The following IFITM3 variants were observed in gnomAD, a reference collection of about 807,000 sequenced individuals.
IFITM3 encodes the protein interferon-induced transmembrane protein 3.
Under a neutral mutation model 5.2 loss-of-function variants are expected in IFITM3, and 5 were observed. That is an observed-to-expected ratio of 0.96 (90% CI 0.50 to 2.03). The LOEUF (loss-of-function observed/expected upper bound fraction) is 2.03, where lower values mean the gene tolerates loss of function less well. IFITM3 is among the 30% of genes most tolerant of loss of function. The pLI, the probability that IFITM3 is intolerant of heterozygous loss-of-function variation, is 0.01. For missense variants in IFITM3, 156 were observed against 177.3 expected, an observed-to-expected ratio of 0.88 and a Z score of 0.68; for synonymous variants, 81 against 77.6, an observed-to-expected ratio of 1.04 and a Z score of -0.23.
rs966205855 is a variant in IFITM3 at position 320,760 on chromosome 11, G to T, written c.54C>A (p.Pro18=). The T allele has an allele frequency of 1.2e-6, 2 of 1,613,716 alleles. No homozygotes were observed. Among genetic ancestry groups the T allele is most frequent in the African/African-American group, 1.3e-5 (1 of 74,896 alleles). The change falls in exon 1 of 2, where the codon CCC becomes CCA. Residue 18 remains proline, a synonymous_variant. Transcript: ENST00000399808. ...GCTCCTCCTTGAGCATCTCATAGTT[G>T]GGGGGCTGGCCACTGTTGACAGGAG... ...FFSPVNSGQP[P]NYEMLKEEHE...
rs201988281 is a variant in IFITM3, at chr11:320,539, T to C, written c.249+26A>G. 1.1e-4 allele frequency: 182 copies of C among 1,611,462 alleles called. 1 individual carries two copies. The East Asian group carries it at 3.3e-3, about 29-fold the overall frequency. ...GAGCTCCAGGCTCAGCGGCACCCTCTGAGCATTCCCTGGGGCCATACGCAC... is the reference window on the plus strand; with the variant it reads ...GAGCTCCAGGCTCAGCGGCACCCTCCGAGCATTCCCTGGGGCCATACGCAC... On this transcript the variant is annotated intron_variant, in intron 1 of 1. Transcript: ENST00000399808.
intron 1 of IFITM3, 71 bp from the exon 2 acceptor site, chr11:320,061 T>G (rs1388542656): frequency 1.1e-5 from 18 of 1,601,158 alleles, no homozygotes; most frequent in Non-Finnish European, 1.5e-5. Context: ...CTCCGTCTCC[T>G]CATTGGCTCT....
rs762594800 is a variant in IFITM3, at chr11:320,771, C to T, written c.43G>A (p.Gly15Ser). 2 of 1,613,726 alleles carry T rather than the reference C, an allele frequency of 1.2e-6. No homozygotes were observed. Among genetic ancestry groups the T allele is most frequent in the Non-Finnish European group, 1.7e-6 (2 of 1,179,858 alleles). The change falls in exon 1 of 2, where the codon GGC becomes AGC. Residue 15 changes from glycine to serine, a missense_variant. Physicochemically the swap from Gly to Ser is moderately conservative, Grantham distance 56 (BLOSUM62 0). Coordinates refer to ENST00000399808, the MANE Select transcript of IFITM3 (RefSeq NM_021034.3). ...VQTFFSPVNSGQPPNYEMLKE... is the reference protein window; with the variant it reads ...VQTFFSPVNSSQPPNYEMLKE... ...AGCATCTCATAGTTGGGGGGCTGGC[C>T]ACTGTTGACAGGAGAGAAGAAGGTT...
chr11:320,204 C>T (rs953517524), intron 1 of IFITM3: 5 of 722,600 alleles, frequency 6.9e-6, no homozygotes, highest in Non-Finnish European at 1.0e-5. Flanking sequence ...GGTGAAGTCA[C>T]CTGTGAGTTC....
At chr11:320,323 ACT>A in intron 1 of IFITM3, 2 of 758,226 alleles carry the variant, frequency 2.6e-6, no homozygotes, top group Non-Finnish European at 4.6e-6. Flanking sequence ...CCGGGGACAG[ACT>A]CTGAGCCAGC....
chr11:320,097 T>G, intron 1 of IFITM3, 107 bp from the exon 2 acceptor site: 1 of 1,476,552 alleles, frequency 6.8e-7, no homozygotes, highest in East Asian at 2.4e-5. Context: ...AGGGACCACC[T>G]CCTCCCCTTC....
Position 320,347 on chromosome 11 carries a change from C to T in IFITM3, c.249+218G>A, listed in dbSNP as rs1846085967. The T allele has an allele frequency of 6.9e-6, 6 of 864,246 alleles. No individual in the cohort carries two copies. The Admixed American group carries it at 8.0e-5, about 11-fold the overall frequency. 53.5% of individuals were successfully genotyped at this position (864,246 alleles called of 1,614,324 possible). A position where few individuals can be genotyped will look rare whatever the true frequency, so the allele number is the denominator to read the frequency against. ...GACTCTGAGCCAGCCAGCCAGCCTC[C>T]TGGAGCCTCCTCCTAAACCTGCACT... On this transcript the variant is annotated intron_variant, in intron 1 of 1. Coordinates refer to ENST00000399808, the MANE Select transcript of IFITM3 (RefSeq NM_021034.3).
At chr11:320,140 G>A in intron 1 of IFITM3, 150 bp from the exon 2 acceptor site, 1 of 827,948 alleles carries the variant, frequency 1.2e-6, no homozygotes, top group Admixed American at 2.1e-5. Context: ...AGGAGCCTCG[G>A]GGCTCATCCT....
rs528035124 is a variant in IFITM3 at position 319,845 on chromosome 11, T to C, written c.395A>G (p.Tyr132Cys). Residue 132 changes from tyrosine to cysteine, a missense_variant, in exon 2 of 2, where the codon TAT (tyrosine) becomes TGT (cysteine). Physicochemically the swap from Tyr to Cys is radical, Grantham distance 194. Transcript: ENST00000399808. Reference protein sequence around the residue: ...IVIPVLIFQAYG With the variant: ...IVIPVLIFQACG ...TCAGTGATGCCTCCTGATCTATCCA[T>C]AGGCCTGGAAGATCAGCACTGGGAT... 19 of 1,614,156 alleles carry C rather than the reference T, an allele frequency of 1.2e-5. No homozygotes were observed. The East Asian group carries it at 4.2e-4, about 36-fold the overall frequency.
chr11:320,315 G>A (rs944962523), intron 1 of IFITM3: 77 of 737,088 alleles, frequency 1.0e-4, no homozygotes, highest in East Asian at 7.2e-4. Context: ...GTGGATAGCC[G>A]GGGACAGACT....
At position 320,838 on chromosome 11, in the gene IFITM3, G is replaced by T; in HGVS notation, c.-25C>A. 1 of 1,588,622 alleles carries T rather than the reference G, an allele frequency of 6.3e-7. No individual in the cohort carries two copies. Among genetic ancestry groups the T allele is most frequent in the Non-Finnish European group, 8.6e-7 (1 of 1,161,584 alleles). ...TGGTGTCCAGCGAAGACCAGCGGCG[G>T]TCGGGTTACTGGGATGGTTCTCAGT... On this transcript the variant is annotated 5_prime_UTR_variant, in exon 1 of 2. Coordinates refer to ENST00000399808, the MANE Select transcript of IFITM3 (RefSeq NM_021034.3).
Position 320,737 on chromosome 11 carries a change from T to C in IFITM3, c.77A>G (p.Glu26Gly), listed in dbSNP as rs1432128135. 6.2e-7 allele frequency: 1 copy of C among 1,613,772 alleles called. No homozygotes were observed. Among genetic ancestry groups the C allele is most frequent in the Admixed American group, 1.7e-5 (1 of 60,010 alleles). ...CGCCCCCAGCACAGCCACCTCGTGC[T>C]CCTCCTTGAGCATCTCATAGTTGGG... is the stretch of plus-strand genomic sequence containing the variant. ...QPPNYEMLKE[E>G]HEVAVLGAPH... Residue 26 changes from glutamate to glycine, a missense_variant, in exon 1 of 2, where the codon GAG (glutamate) becomes GGG (glycine). Glu to Gly is a moderately conservative substitution (Grantham distance 98, BLOSUM62 -2). Coordinates refer to ENST00000399808, the MANE Select transcript of IFITM3 (RefSeq NM_021034.3).
chr11:319,812 T>G lies in IFITM3; in HGVS notation c.*26A>C. On this transcript the variant is annotated 3_prime_UTR_variant, in exon 2 of 2. Transcript: ENST00000399808. ...GTGGGATACAGGTCATGGGCAGAGC[T>G]CCTGGCCTCAGTGATGCCTCCTGAT... 1 of 1,613,954 alleles carries G rather than the reference T, an allele frequency of 6.2e-7. No homozygotes were observed. The highest frequency in any genetic ancestry group is 8.5e-7 in the Non-Finnish European group (1 of 1,179,900).
chr11:320,524 C>T, intron 1 of IFITM3, 41 bp downstream of exon 1: 1 of 1,606,442 alleles, frequency 6.2e-7, no homozygotes. Flanking sequence ...GAGCTCCAGG[C>T]TCAGCGGCAC....
chr11:320,703 G>C lies in IFITM3; in HGVS notation c.111C>G (p.Asn37Lys). The C allele has an allele frequency of 6.2e-7, 1 of 1,613,354 alleles. No homozygotes were observed. Among genetic ancestry groups the C allele is most frequent in the Non-Finnish European group, 8.5e-7 (1 of 1,179,720 alleles). ...TCACGGTGGACGTCGGGGGAGCAGG[G>C]TTGTGGGGCGCCCCCAGCACAGCCA... ...HEVAVLGAPH[N>K]PAPPTSTVIH... The change falls in exon 1 of 2, where the codon AAC (asparagine) becomes AAG (lysine). Residue 37 changes from asparagine (N) to lysine (K), a missense_variant. By Grantham distance (94) the Asn-to-Lys change is moderately conservative (BLOSUM62 0). Coordinates refer to ENST00000399808, the MANE Select transcript of IFITM3 (RefSeq NM_021034.3).
rs766126337 is a variant in IFITM3, at chr11:320,663, C to T, written c.151G>A (p.Glu51Lys). 2.5e-6 allele frequency: 4 copies of T among 1,613,766 alleles called. No individual in the cohort carries two copies. Among genetic ancestry groups the T allele is most frequent in the Admixed American group, 3.3e-5 (2 of 59,996 alleles). The change falls in exon 1 of 2, where the codon GAG becomes AAG. Residue 51 changes from glutamate (E) to lysine (K), a missense_variant. Transcript: ENST00000399808. ...PTSTVIHIRS[E>K]TSVPDHVVWS... ...ACGACATGGTCGGGCACGGAGGTCT[C>T]GCTGCGGATGTGGATCACGGTGGAC...
rs373971459 is a variant in IFITM3, at chr11:320,846, A to C, written c.-33T>G. The stretch of plus-strand genomic sequence containing the variant: ...AGCGAAGACCAGCGGCGGTCGGGTT[A>C]CTGGGATGGTTCTCAGTGAGCCCTC... On this transcript the variant is annotated 5_prime_UTR_variant, in exon 1 of 2. Transcript: ENST00000399808. 6.3e-7 allele frequency: 1 copy of C among 1,584,404 alleles called. No homozygotes were observed. The highest frequency in any genetic ancestry group is 2.3e-5 in the East Asian group (1 of 44,376).
At chr11:320,536 C>T in intron 1 of IFITM3, 29 bp downstream of exon 1, 1 of 1,611,214 alleles carries the variant, frequency 6.2e-7, no homozygotes, top group Non-Finnish European at 8.5e-7. Flanking sequence ...CAGCGGCACC[C>T]TCTGAGCATT....
Position 320,363 on chromosome 11 carries a change from A to G in IFITM3, c.249+202T>C, listed in dbSNP as rs150188011. 5.1e-3 allele frequency: 4,771 copies of G among 926,758 alleles called. 51 individuals carry two copies. The highest frequency in any genetic ancestry group is 0.041 in the African/African-American group (2,460 of 60,586). 57.4% of individuals were successfully genotyped at this position (926,758 alleles called of 1,614,324 possible). A position where few individuals can be genotyped will look rare whatever the true frequency, so the allele number is the denominator to read the frequency against. The stretch of plus-strand genomic sequence containing the variant: ...GCCAGCCTCCTGGAGCCTCCTCCTA[A>G]ACCTGCACTGGGCAGATTCCCCAAG... On this transcript the variant is annotated intron_variant, in intron 1 of 1. Coordinates refer to ENST00000399808, the MANE Select transcript of IFITM3 (RefSeq NM_021034.3).
Sources: allele counts gnomAD v4.1 joint callset, GRCh38; gene constraint gnomAD v4.1.1; transcripts MANE v1.5; gene names NCBI Gene and HGNC (gene_info 2026-07-23, HGNC 2026-07-21).